The following DENND2B variants were observed in gnomAD, a reference collection of about 807,000 sequenced individuals.
The protein encoded by DENND2B is DENN domain containing 2B, also known as DENN domain-containing protein 2B.
DENND2B carries 32 observed loss-of-function variants against 116.0 expected under a neutral mutation model. That is an observed-to-expected ratio of 0.28 (90% CI 0.21 to 0.37). DENND2B has a LOEUF of 0.37. DENND2B is among the 10% of genes least tolerant of loss of function. The pLI is 1.00. For missense variants in DENND2B, 1,276 were observed against 1,477.7 expected (o/e 0.86, Z 2.24); for synonymous variants, 588 against 583.9 (o/e 1.01, Z -0.10).
At chr11:8,836,255 A>T (rs1044052200) in intron 4 of DENND2B, among the ~76,000 whole-genome samples, 2 of 151,992 alleles carry the variant, frequency 1.3e-5, no homozygotes, top group Middle Eastern at 3.4e-3. Flanking sequence ...AGAATCAATT[A>T]TGGAGCTCTT....
chr11:8,716,807 C>T (rs1272931692), intron 5 of DENND2B, among the ~76,000 whole-genome samples: 1 of 152,182 alleles, frequency 6.6e-6, no homozygotes, highest in Non-Finnish European at 1.5e-5. Context: ...GCCATCATGC[C>T]CAGCTAATGT....
intron 1 of DENND2B, among the ~76,000 whole-genome samples, chr11:8,803,629 T>C (rs984481953): frequency 2.0e-4 from 31 of 152,368 alleles, no homozygotes; most frequent in Non-Finnish European, 2.6e-4. Context: ...CTAACATTTA[T>C]TGAGAGCATA....
intron 4 of DENND2B, chr11:8,718,669 G>A: frequency 8.1e-7 from 1 of 1,240,180 alleles, no homozygotes; most frequent in Non-Finnish European, 1.0e-6. Flanking sequence ...CTTGGAAGGA[G>A]TCTGGGCCAA....
At chr11:8,701,565 C>T (rs145694629) in intron 14 of DENND2B, among the ~76,000 whole-genome samples, 414 of 152,046 alleles carry the variant, frequency 2.7e-3, no homozygotes, top group African/African-American at 9.1e-3. Context: ...TTAAACTCTC[C>T]GCTCCTTAAA....
upstream of DENND2B, among the ~76,000 whole-genome samples, chr11:8,874,712 C>T (rs144337133): frequency 2.0e-5 from 3 of 151,086 alleles, no homozygotes; most frequent in African/African-American, 7.3e-5. Flanking sequence ...CTTGAGCTCA[C>T]GAGTTTGAGA....
chr11:8,866,483 A>C (rs1341893137), intron 2 of DENND2B, among the ~76,000 whole-genome samples: 3 of 152,230 alleles, frequency 2.0e-5, no homozygotes, highest in Admixed American at 1.3e-4. Context: ...CCGGGAAGAC[A>C]TACCAAATGA....
In DENND2B at chr11:8,817,860, G is replaced by A. The variant is rs1174489429; in HGVS notation, c.-114-6525C>T. Among the ~76,000 whole-genome samples, 10 of 152,018 alleles carry A rather than the reference G, an allele frequency of 6.6e-5. No individual in the cohort carries two copies. The East Asian group carries it at 1.4e-3, about 21-fold the overall frequency. ...CCTGACCACTGTCCCTTATTAAGTCGGAGCATGTTAACACTGGGCCACATA... is the reference window on the plus strand; with the variant it reads ...CCTGACCACTGTCCCTTATTAAGTCAGAGCATGTTAACACTGGGCCACATA... On this transcript the variant is annotated intron_variant, in intron 4 of 6. Transcript: ENST00000524757.
upstream of DENND2B, among the ~76,000 whole-genome samples, chr11:8,815,232 TAAAAA>T (rs1034776662): frequency 6.8e-6 from 1 of 146,844 alleles, no homozygotes; most frequent in Admixed American, 6.8e-5. Context: ...ACATTTTTAC[TAAAAA>T]AAAAAGTCTT....
At chr11:8,698,797 C>T in intron 16 of DENND2B, 136 bp downstream of exon 16, 1 of 1,048,934 alleles carries the variant, frequency 9.5e-7, no homozygotes, top group South Asian at 1.3e-5. Context: ...ACCAGCTTCT[C>T]CCCACCCTTG....
chr11:8,832,410 C>T (rs2062245498), intron 4 of DENND2B, among the ~76,000 whole-genome samples: 1 of 149,250 alleles, frequency 6.7e-6, no homozygotes, highest in African/African-American at 2.5e-5. Context: ...CGAGATTGTG[C>T]CATTGCACTC....
At chr11:8,740,061 GC>G in intron 2 of DENND2B, among the ~76,000 whole-genome samples, 1 of 151,946 alleles carries the variant, frequency 6.6e-6, no homozygotes, top group East Asian at 1.9e-4. Flanking sequence ...GTGATGGCAT[GC>G]CCCCGTGGTC....
chr11:8,803,924 A>T (rs2060583136), intron 1 of DENND2B, among the ~76,000 whole-genome samples: 1 of 152,158 alleles, frequency 6.6e-6, no homozygotes, highest in Admixed American at 6.5e-5. Flanking sequence ...CGGGGTCTGG[A>T]GCACTGAGAG....
chr11:8,900,641 G>A (rs1308197973), intron 1 of DENND2B, among the ~76,000 whole-genome samples: 19 of 151,042 alleles, frequency 1.3e-4, no homozygotes, highest in Admixed American at 1.3e-3. Context: ...AAATAAAGAT[G>A]CATATTCTAA....
intron 4 of DENND2B, among the ~76,000 whole-genome samples, chr11:8,815,977 G>A (rs2061556123): frequency 6.6e-6 from 1 of 152,224 alleles, no homozygotes; most frequent in Admixed American, 6.5e-5. Context: ...TAGGTCACTA[G>A]AGGGGTTTAT....
chr11:8,846,026 AGCCCTTCGAAG>A (rs1383864429), intron 3 of DENND2B, among the ~76,000 whole-genome samples: 7 of 152,154 alleles, frequency 4.6e-5, no homozygotes, highest in Non-Finnish European at 8.8e-5. Flanking sequence ...AGCTCCTACA[AGCCCTTCGAAG>A]GTCCTCATGT....
intron 3 of DENND2B, among the ~76,000 whole-genome samples, chr11:8,727,932 A>G (rs956516178): frequency 8.1e-5 from 12 of 149,016 alleles, no homozygotes; most frequent in Non-Finnish European, 1.3e-4. Flanking sequence ...GAATGCCAGA[A>G]GAAACATTTG....
intron 1 of DENND2B, among the ~76,000 whole-genome samples, chr11:8,903,153 T>C (rs961333445): frequency 1.3e-5 from 2 of 152,196 alleles, no homozygotes; most frequent in African/African-American, 4.8e-5. Context: ...CCACCACACC[T>C]GGCCATCTGT....
At chr11:8,725,934 T>G (rs1565737665) in intron 4 of DENND2B, 139 bp downstream of exon 4, 1 of 1,239,286 alleles carries the variant, frequency 8.1e-7, no homozygotes, top group Non-Finnish European at 1.1e-6. Context: ...CTTCCCCTGA[T>G]GTCCCATTCC....
intron 1 of DENND2B, among the ~76,000 whole-genome samples, chr11:8,755,805 T>C (rs1565860904): frequency 6.6e-6 from 1 of 152,144 alleles, no homozygotes; most frequent in Non-Finnish European, 1.5e-5. Flanking sequence ...TTTAAGTCTA[T>C]ATTAATAGCA....
Sources: gnomAD v4.1 joint callset for allele counts (sites outside exome capture counted in the v4.1 genomes callset) on GRCh38, gnomAD v4.1.1 for gene constraint, MANE v1.5 for transcripts, NCBI Gene and HGNC (gene_info 2026-07-23, HGNC 2026-07-21) for gene names.